GALNT13: variants seen among roughly 807,000 people sequenced by gnomAD.
GALNT13 encodes the protein UDP-GalNAc:polypeptide N-acetylgalactosaminyltransferase 13.
A neutral mutation model predicts 64.2 loss-of-function variants in GALNT13; 28 were observed. The ratio of observed to expected loss-of-function variants is 0.44; its 90% CI spans 0.32 to 0.60. The LOEUF is 0.60. Ranked by LOEUF, GALNT13 falls within the 20% of genes least tolerant of loss-of-function variation. GALNT13 has a pLI of 0.05. For missense variants in GALNT13, 577 were observed against 669.8 expected (o/e 0.86, Z 1.53); for synonymous variants, 214 against 224.6 (o/e 0.95, Z 0.42).
chr2:153,957,904 C>T (rs532989378), intron 3 of GALNT13, among the ~76,000 whole-genome samples: 2 of 152,262 alleles, frequency 1.3e-5, no homozygotes, highest in East Asian at 3.9e-4. Context: ...AATCAAAGAA[C>T]ATGGTCAACT....
the GALNT13 span, among the ~76,000 whole-genome samples, chr2:153,270,757 T>C: frequency 2.6e-5 from 4 of 152,006 alleles, no homozygotes; most frequent in African/African-American, 4.8e-5. Context: ...GAGACTGAGG[T>C]GGGAGGATCA....
At chr2:153,419,141 G>A in the GALNT13 span, among the ~76,000 whole-genome samples, 1 of 152,168 alleles carries the variant, frequency 6.6e-6, no homozygotes, top group Non-Finnish European at 1.5e-5. Flanking sequence ...CAGGGCTGGG[G>A]AGGCCTCAGG....
At chr2:154,290,431 T>A (rs899359458) in intron 8 of GALNT13, among the ~76,000 whole-genome samples, 1 of 152,224 alleles carries the variant, frequency 6.6e-6, no homozygotes, top group Admixed American at 6.5e-5. Context: ...CGGGGTAGAC[T>A]GAGATTACAG....
chr2:153,845,968 G>C, the GALNT13 span, among the ~76,000 whole-genome samples: 2 of 152,138 alleles, frequency 1.3e-5, no homozygotes, highest in African/African-American at 4.8e-5. Context: ...GAAGTTCTGA[G>C]AGAAACTGCT....
chr2:154,358,091 A>G (rs1696850990), intron 9 of GALNT13, among the ~76,000 whole-genome samples: 1 of 152,014 alleles, frequency 6.6e-6, no homozygotes, highest in Non-Finnish European at 1.5e-5. Flanking sequence ...GGAACACTCA[A>G]CTTCTTGAAA....
chr2:154,159,054 A>G (rs1684585692), intron 4 of GALNT13, among the ~76,000 whole-genome samples: 1 of 152,018 alleles, frequency 6.6e-6, no homozygotes, highest in African/African-American at 2.4e-5. Context: ...TAAGGAAATA[A>G]AACATATTTC....
At chr2:153,812,682 T>A in the GALNT13 span, among the ~76,000 whole-genome samples, 1 of 152,204 alleles carries the variant, frequency 6.6e-6, no homozygotes, top group Non-Finnish European at 1.5e-5. Context: ...TATATTCCAT[T>A]CCCTTTAATA....
At chr2:153,843,409 C>A in the GALNT13 span, among the ~76,000 whole-genome samples, 1 of 152,168 alleles carries the variant, frequency 6.6e-6, no homozygotes, top group African/African-American at 2.4e-5. Flanking sequence ...ATGGCCCAAG[C>A]CATTCATGAG....
At chr2:153,106,132 C>T in the GALNT13 span, among the ~76,000 whole-genome samples, 1 of 152,152 alleles carries the variant, frequency 6.6e-6, no homozygotes. Context: ...AAATAACTCC[C>T]TCAAAGATTA....
chr2:153,733,747 T>G, the GALNT13 span, among the ~76,000 whole-genome samples: 2 of 152,304 alleles, frequency 1.3e-5, no homozygotes, highest in East Asian at 1.9e-4. Context: ...ACTGCAGGCA[T>G]GTAGTGGTAG....
chr2:154,270,146 TG>T (rs1323852595), intron 8 of GALNT13, among the ~76,000 whole-genome samples: 1 of 151,530 alleles, frequency 6.6e-6, no homozygotes, highest in Non-Finnish European at 1.5e-5. Context: ...TAACAAAACT[TG>T]TATTGCTCTT....
the GALNT13 span, among the ~76,000 whole-genome samples, chr2:153,497,486 A>G: frequency 8.3e-6 from 1 of 119,984 alleles, no homozygotes; most frequent in South Asian, 2.5e-4. Flanking sequence ...CATTAAGTTC[A>G]TTAGCTACTT....
chr2:154,433,548 G>A (rs921849493), intron 11 of GALNT13, among the ~76,000 whole-genome samples: 7 of 151,076 alleles, frequency 4.6e-5, no homozygotes, highest in Non-Finnish European at 8.8e-5. Context: ...GGAGTGGGTA[G>A]GAACAGTGAG....
At chr2:154,058,826 G>A (rs1364389518) in intron 3 of GALNT13, among the ~76,000 whole-genome samples, 1 of 152,150 alleles carries the variant, frequency 6.6e-6, no homozygotes, top group South Asian at 2.1e-4. Flanking sequence ...TTTACTTTGA[G>A]TGAAGAGAGG....
the GALNT13 span, among the ~76,000 whole-genome samples, chr2:153,801,916 C>A: frequency 6.6e-6 from 1 of 152,062 alleles, no homozygotes; most frequent in African/African-American, 2.4e-5. Context: ...TTTTGTGTCT[C>A]CTGTGTCTTT....
the GALNT13 span, among the ~76,000 whole-genome samples, chr2:153,175,409 T>C: frequency 6.6e-6 from 1 of 152,156 alleles, no homozygotes; most frequent in Non-Finnish European, 1.5e-5. Context: ...TCTTAAAACA[T>C]GCAATCTATA....
chr2:153,975,223 A>T (rs982920370), intron 3 of GALNT13, among the ~76,000 whole-genome samples: 2 of 152,056 alleles, frequency 1.3e-5, no homozygotes, highest in Admixed American at 6.6e-5. Context: ...CAAATGTGTG[A>T]TTATTCATTC....
the GALNT13 span, among the ~76,000 whole-genome samples, chr2:153,392,896 T>C: frequency 6.6e-6 from 1 of 151,954 alleles, no homozygotes; most frequent in Non-Finnish European, 1.5e-5. Context: ...TTAGTGCCCT[T>C]ATAAAAGAGG....
intron 9 of GALNT13, among the ~76,000 whole-genome samples, chr2:154,392,559 T>C (rs1335930874): frequency 2.0e-5 from 3 of 152,148 alleles, no homozygotes; most frequent in African/African-American, 7.2e-5. Flanking sequence ...TCATGTTTAT[T>C]CAAAAGAAAC....
Sources: allele counts gnomAD v4.1 joint callset (sites outside exome capture counted in the v4.1 genomes callset), GRCh38; gene constraint gnomAD v4.1.1; transcripts MANE v1.5; gene names NCBI Gene and HGNC (gene_info 2026-07-23, HGNC 2026-07-21).